RPTOR: variants seen among roughly 807,000 people sequenced by gnomAD.
RPTOR encodes the protein regulatory associated protein of MTOR complex 1.
Under a neutral mutation model 169.9 loss-of-function variants are expected in RPTOR, and 21 were observed. That is an observed-to-expected ratio of 0.12 (90% CI 0.09 to 0.18). The LOEUF is 0.18. Among genes scored for constraint, RPTOR ranks in the 10% least tolerant of loss-of-function variants. RPTOR has a pLI of 1.00. For missense variants in RPTOR, 1,133 were observed against 1,855.9 expected, an observed-to-expected ratio of 0.61 and a Z score of 7.16; for synonymous variants, 732 against 753.2, an observed-to-expected ratio of 0.97 and a Z score of 0.46.
rs181300281 is a variant in RPTOR, at chr17:80,760,623, A to G, written c.830+6438A>G. On this transcript the variant is annotated intron_variant, in intron 6 of 33. Coordinates refer to ENST00000306801, the MANE Select transcript of RPTOR (RefSeq NM_020761.3). ...AGCCTCAGTCAAGCTTTCTTTAAGG[A>G]AACAGGCAGTTGGCCAGATTTGGCC... 5.0e-3 allele frequency among the ~76,000 whole-genome samples: 760 copies of G among 151,632 alleles called. 7 individuals are homozygous for G. The highest frequency in any genetic ancestry group is 8.5e-3 in the Non-Finnish European group (579 of 68,010).
chr17:80,644,167 C>T (rs542430313), intron 3 of RPTOR, among the ~76,000 whole-genome samples: 3 of 152,258 alleles, frequency 2.0e-5, no homozygotes, highest in East Asian at 1.9e-4. Flanking sequence ...AACTAGTTAA[C>T]GCTATTCCGC....
At chr17:80,773,309 C>T (rs2066862621) in intron 6 of RPTOR, among the ~76,000 whole-genome samples, 1 of 152,248 alleles carries the variant, frequency 6.6e-6, no homozygotes, top group South Asian at 2.1e-4. Flanking sequence ...TCTGTTCGCA[C>T]AGAGACTCTG....
chr17:80,711,774 C>G (rs12936287), intron 4 of RPTOR, among the ~76,000 whole-genome samples: 22,484 of 63,858 alleles, frequency 0.35, 2,507 homozygotes, highest in East Asian at 0.39. Context: ...GTTAAGTCTC[C>G]CTCTGTCGCC....
rs1407222143 is a variant in RPTOR at position 80,651,402 on chromosome 17, G to A, written c.348+7592G>A. 2.6e-5 allele frequency among the ~76,000 whole-genome samples: 4 copies of A among 152,162 alleles called. No individual in the cohort carries two copies. Among genetic ancestry groups the A allele is most frequent in the Admixed American group, 2.0e-4 (3 of 15,280 alleles). On this transcript the variant is annotated intron_variant, in intron 3 of 33. Transcript: ENST00000306801. The surrounding 1 kb of genome is among the most constrained non-coding windows in gnomAD (Gnocchi z 4.1). ...GGGACGGCCACTTCAAAGTGTCTGCGGTACTTGATTTCATTTTGCAGGGGA... is the reference window on the plus strand; with the variant it reads ...GGGACGGCCACTTCAAAGTGTCTGCAGTACTTGATTTCATTTTGCAGGGGA...
chr17:80,952,396 A>G (rs2069190440), intron 28 of RPTOR, among the ~76,000 whole-genome samples: 2 of 152,184 alleles, frequency 1.3e-5, no homozygotes, highest in Non-Finnish European at 1.5e-5. Context: ...GTGGAGCCGC[A>G]GAGGTTTCAT....
chr17:80,599,541 G>T (rs2065170248), intron 1 of RPTOR, among the ~76,000 whole-genome samples: 1 of 152,224 alleles, frequency 6.6e-6, no homozygotes, highest in Admixed American at 6.5e-5. Flanking sequence ...AAGCCTCCGG[G>T]CCTCCAGGAG....
In RPTOR at chr17:80,623,893, A is replaced by T. The variant is rs576811831; in HGVS notation, c.163-1798A>T. ...ATTTTCTTTAGGTATTTAAAAAATG[A>T]TTTATTCATTTATTTATTTTTAGAG... On this transcript the variant is annotated intron_variant, in intron 1 of 33. Coordinates refer to ENST00000306801, the MANE Select transcript of RPTOR (RefSeq NM_020761.3). 3.9e-5 allele frequency among the ~76,000 whole-genome samples: 6 copies of T among 152,064 alleles called. No homozygotes were observed. The South Asian group carries it at 1.2e-3, about 32-fold the overall frequency.
chr17:80,573,404 C>T (rs1599562980), intron 1 of RPTOR, among the ~76,000 whole-genome samples: 2 of 152,050 alleles, frequency 1.3e-5, no homozygotes, highest in Admixed American at 6.6e-5. Flanking sequence ...CATGGCATAT[C>T]TCTTATTTAG....
intron 29 of RPTOR, among the ~76,000 whole-genome samples, chr17:80,958,377 C>T (rs1252634070): frequency 2.0e-5 from 3 of 150,392 alleles, no homozygotes; most frequent in East Asian, 3.9e-4. Context: ...AGGTGTGAGC[C>T]GCTACAGAAG....
intron 13 of RPTOR, among the ~76,000 whole-genome samples, chr17:80,869,816 G>C (rs1478889894): frequency 6.6e-6 from 1 of 152,134 alleles, no homozygotes; most frequent in Non-Finnish European, 1.5e-5. Flanking sequence ...AAAAACACAG[G>C]GGATCAGGGG....
chr17:80,751,591 G>T (rs893316255), intron 5 of RPTOR, among the ~76,000 whole-genome samples: 1 of 152,088 alleles, frequency 6.6e-6, no homozygotes, highest in Admixed American at 6.6e-5. Flanking sequence ...GCAGCCCTCG[G>T]TGATTAAAAG....
chr17:80,639,716 G>A (rs992097038), intron 2 of RPTOR, among the ~76,000 whole-genome samples: 8 of 152,246 alleles, frequency 5.3e-5, no homozygotes, highest in African/African-American at 1.9e-4. Flanking sequence ...GCCAGATTGA[G>A]GAACCCAGCT....
At chr17:80,777,169 G>A (rs1198242884) in intron 6 of RPTOR, among the ~76,000 whole-genome samples, 7 of 151,568 alleles carry the variant, frequency 4.6e-5, no homozygotes, top group African/African-American at 9.7e-5. Flanking sequence ...CCAGGGAGTC[G>A]GAGGTTGCAG....
rs9911253 is a variant in RPTOR, at chr17:80,959,113, A to G, written c.3478-965A>G. Among the ~76,000 whole-genome samples, 4,294 of 152,342 alleles carry G rather than the reference A, an allele frequency of 0.028. 212 individuals carry two copies. The highest frequency in any genetic ancestry group is 0.098 in the African/African-American group (4,060 of 41,580). ...CGAAGCTGCTGTGGTTGCTCTGGGC[A>G]GCAGCAGCCCGAGAACCTGGCCCAG... On this transcript the variant is annotated intron_variant, in intron 29 of 33. Transcript: ENST00000306801. This position sits in a 1 kb window ranked among gnomAD's most constrained non-coding sequence, Gnocchi z 6.7.
chr17:80,650,305 T>C (rs1490807298), intron 3 of RPTOR, among the ~76,000 whole-genome samples: 1 of 152,214 alleles, frequency 6.6e-6, no homozygotes, highest in Non-Finnish European at 1.5e-5. Flanking sequence ...GCGTGTTGAC[T>C]AGAGTGGGTT....
At chr17:80,775,502 C>G (rs116046165) in intron 6 of RPTOR, among the ~76,000 whole-genome samples, 132 of 152,258 alleles carry the variant, frequency 8.7e-4, no homozygotes, top group African/African-American at 2.9e-3. Flanking sequence ...GTTGAAAATA[C>G]TAAAGTGCAG....
intron 20 of RPTOR, among the ~76,000 whole-genome samples, chr17:80,906,114 C>T (rs899854245): frequency 6.6e-6 from 1 of 151,984 alleles, no homozygotes; most frequent in African/African-American, 2.4e-5. Context: ...TGGAGCTAGG[C>T]GGTAGCGAAC....
chr17:80,836,154 C>T (rs1411798452), intron 9 of RPTOR, among the ~76,000 whole-genome samples: 4 of 152,218 alleles, frequency 2.6e-5, no homozygotes, highest in Non-Finnish European at 4.4e-5. Flanking sequence ...CCTCATCCTC[C>T]GGGCGAGGCA....
chr17:80,859,873 C>T (rs2067897956), intron 13 of RPTOR, among the ~76,000 whole-genome samples: 1 of 152,212 alleles, frequency 6.6e-6, no homozygotes, highest in East Asian at 1.9e-4. Flanking sequence ...AGGCGCCGCC[C>T]ACAGGAGGGA....
Sources: allele counts gnomAD v4.1 joint callset (sites outside exome capture counted in the v4.1 genomes callset), GRCh38; gene constraint gnomAD v4.1.1; non-coding constraint Gnocchi (gnomAD v3.1); transcripts MANE v1.5; gene names NCBI Gene and HGNC (gene_info 2026-07-23, HGNC 2026-07-21).